The following ESRRB variants were observed in gnomAD, a reference collection of about 807,000 sequenced individuals.
ESRRB encodes the protein estrogen related receptor beta.
In ESRRB, 16 loss-of-function variants were observed where a neutral mutation model predicts 46.0. The observed-to-expected ratio is 0.35, with a 90% CI of 0.24 to 0.53. The LOEUF is 0.53. ESRRB is among the 20% of genes least tolerant of loss of function. The probability of loss-of-function intolerance (pLI) is 0.93; values close to 1 mark genes in which losing one functional copy is unlikely to be tolerated. For missense variants in ESRRB, 488 were observed against 607.4 expected (o/e 0.80, Z 2.07); for synonymous variants, 246 against 259.6 (o/e 0.95, Z 0.50).
chr14:76,490,489 C>T lies in ESRRB; in HGVS notation c.851-958C>T, dbSNP rs150345075. On this transcript the variant is annotated intron_variant, in intron 5 of 6. Transcript: ENST00000644823. ...TGGAATCATCGTCTCATTTAGACCT[C>T]ACAGCAACTCTCTGAAGTAGACCCT... is the stretch of plus-strand genomic sequence containing the variant. 2.9e-4 allele frequency among the ~76,000 whole-genome samples: 44 copies of T among 152,308 alleles called. No individual in the cohort carries two copies. In the East Asian group the frequency reaches 8.3e-3, roughly 29 times the overall value.
intron 1 of ESRRB, among the ~76,000 whole-genome samples, chr14:76,391,129 G>T (rs1178349809): frequency 1.3e-5 from 2 of 152,156 alleles, no homozygotes; most frequent in East Asian, 3.9e-4. Context: ...AGGTTACATT[G>T]GCTGCATTGT....
chr14:76,390,134 C>T (rs142969652), intron 1 of ESRRB, among the ~76,000 whole-genome samples: 2 of 152,330 alleles, frequency 1.3e-5, no homozygotes, highest in African/African-American at 4.8e-5. Context: ...CTCAATCTCT[C>T]TGTATCTCAG....
intron 1 of ESRRB, among the ~76,000 whole-genome samples, chr14:76,398,037 CTT>C (rs1281950573): frequency 6.6e-6 from 1 of 152,222 alleles, no homozygotes; most frequent in Non-Finnish European, 1.5e-5. Flanking sequence ...TATTCTCTCA[CTT>C]TTTTATGTCT....
chr14:76,365,870 C>T lies in ESRRB; in HGVS notation c.2+54954C>T, dbSNP rs115008940. ...AATTAAAAACACTCTGACTTTTAGTCGGTGTAAGTCTTGCTTTTCCATTCT... is the reference window on the plus strand; with the variant it reads ...AATTAAAAACACTCTGACTTTTAGTTGGTGTAAGTCTTGCTTTTCCATTCT... On this transcript the variant is annotated intron_variant, in intron 1 of 6. Transcript: ENST00000512784. Among the ~76,000 whole-genome samples the T allele has an allele frequency of 5.0e-3, 766 of 152,260 alleles. 10 individuals are homozygous for T. Among genetic ancestry groups the T allele is most frequent in the African/African-American group, 0.017 (710 of 41,538 alleles).
Position 76,498,417 on chromosome 14 carries a change from A to G in ESRRB, c.1324A>G (p.Met442Val). The G allele has an allele frequency of 6.2e-7, 1 of 1,613,548 alleles. No individual in the cohort carries two copies. The highest frequency in any genetic ancestry group is 1.3e-5 in the African/African-American group (1 of 75,070). ...CGTCAAACTGCAGGGCAAAGTGCCCATGCACAAACTCTTCCTGGAGATGCT... is the reference window on the plus strand; with the variant it reads ...CGTCAAACTGCAGGGCAAAGTGCCCGTGCACAAACTCTTCCTGGAGATGCT... ...YSVKLQGKVP[M>V]HKLFLEMLEA... Residue 442 changes from methionine to valine, a missense_variant, in exon 7 of 7, where the codon ATG becomes GTG. Met to Val is a conservative substitution (Grantham distance 21, BLOSUM62 1). Coordinates refer to ENST00000644823, the MANE Select transcript of ESRRB (RefSeq NM_001379180.1).
chr14:76,372,180 G>A (rs1884641739), upstream of ESRRB, among the ~76,000 whole-genome samples: 1 of 152,148 alleles, frequency 6.6e-6, no homozygotes, highest in African/African-American at 2.4e-5. Context: ...GGAAAGGGCG[G>A]GTGGTTAGTG....
At chr14:76,481,762 G>A (rs1325033292) in intron 3 of ESRRB, among the ~76,000 whole-genome samples, 1 of 152,210 alleles carries the variant, frequency 6.6e-6, no homozygotes, top group African/African-American at 2.4e-5. Context: ...AGGGTTGCTT[G>A]GGATGAATTT....
upstream of ESRRB, among the ~76,000 whole-genome samples, chr14:76,367,754 C>A (rs1404845824): frequency 6.6e-6 from 1 of 152,020 alleles, no homozygotes; most frequent in African/African-American, 2.4e-5. Context: ...AGAAGGCAGT[C>A]CAGGGAACCC....
chr14:76,346,865 C>T (rs1322548819), intron 1 of ESRRB, among the ~76,000 whole-genome samples: 1 of 152,226 alleles, frequency 6.6e-6, no homozygotes, highest in African/African-American at 2.4e-5. Context: ...GGATTATAGA[C>T]ACCACATGCT....
rs976618970 is a variant in ESRRB, at chr14:76,500,931, A to G, written c.*2473A>G. ...GTCAGTAACAATGGAACTCCATCCA[A>G]TGGGAAAGTTCCTGGTACTGAAGGG... On this transcript the variant is annotated 3_prime_UTR_variant, in exon 7 of 7. Coordinates refer to ENST00000644823, the MANE Select transcript of ESRRB (RefSeq NM_001379180.1). The G allele has an allele frequency of 5.8e-5, 36 of 621,548 alleles. No individual in the cohort carries two copies. Among genetic ancestry groups the G allele is most frequent in the East Asian group, 4.5e-4 (16 of 35,872 alleles). 38.5% of individuals were successfully genotyped at this position (621,548 alleles called of 1,614,324 possible).
chr14:76,485,042 T>C (rs1170401641), intron 5 of ESRRB, among the ~76,000 whole-genome samples: 1 of 152,112 alleles, frequency 6.6e-6, no homozygotes, highest in Non-Finnish European at 1.5e-5. Flanking sequence ...TTCTTTTTGG[T>C]AAAAAAATAA....
chr14:76,460,742 C>A (rs1466578887), intron 2 of ESRRB, among the ~76,000 whole-genome samples: 2 of 135,524 alleles, frequency 1.5e-5, no homozygotes, highest in Non-Finnish European at 3.1e-5. Context: ...GCTCTTGTCA[C>A]CCAGGCTGGA....
chr14:76,473,132 C>A (rs1399520273), intron 3 of ESRRB, among the ~76,000 whole-genome samples: 6 of 120,190 alleles, frequency 5.0e-5, no homozygotes, highest in African/African-American at 1.6e-4. Flanking sequence ...TTCCCTGTGA[C>A]GTTTCTTGGA....
intron 1 of ESRRB, among the ~76,000 whole-genome samples, chr14:76,396,171 CAA>C (rs1486576459): frequency 6.6e-6 from 1 of 150,832 alleles, no homozygotes; most frequent in Non-Finnish European, 1.5e-5. Flanking sequence ...GACTCCGTAT[CAA>C]ACAAAAACAA....
chr14:76,370,398 CA>C (rs373951946), upstream of ESRRB, among the ~76,000 whole-genome samples: 535 of 132,908 alleles, frequency 4.0e-3, 1 homozygote, highest in African/African-American at 0.013. Context: ...AACTCTGTCT[CA>C]AAAAAAAAAA....
At chr14:76,341,641 T>G (rs1595049851) in intron 1 of ESRRB, among the ~76,000 whole-genome samples, 1 of 152,326 alleles carries the variant, frequency 6.6e-6, no homozygotes, top group Admixed American at 6.5e-5. Context: ...TGATGATCAT[T>G]AAATTGATCA....
At chr14:76,444,250 C>G (rs1345565332) in intron 2 of ESRRB, among the ~76,000 whole-genome samples, 2 of 152,054 alleles carry the variant, frequency 1.3e-5, no homozygotes, top group Non-Finnish European at 2.9e-5. Flanking sequence ...CCAGGCTGGT[C>G]TCGAATTCCT....
At chr14:76,464,533 C>A (rs1889025829) in intron 3 of ESRRB, among the ~76,000 whole-genome samples, 1 of 152,164 alleles carries the variant, frequency 6.6e-6, no homozygotes, top group Admixed American at 6.5e-5. Flanking sequence ...GGCACACTGG[C>A]TTTTAAAATG....
At chr14:76,332,744 T>TA (rs1566853328) in intron 1 of ESRRB, among the ~76,000 whole-genome samples, 4 of 12,978 alleles carry the variant, frequency 3.1e-4, no homozygotes, top group Non-Finnish European at 3.7e-4. Flanking sequence ...TATTATATAT[T>TA]TATATATTAT....
Sources: gnomAD v4.1 joint callset for allele counts (sites outside exome capture counted in the v4.1 genomes callset) on GRCh38, gnomAD v4.1.1 for gene constraint, MANE v1.5 for transcripts, NCBI Gene and HGNC (gene_info 2026-07-23, HGNC 2026-07-21) for gene names.